Variants in GRB10 observed in about 807,000 individuals in gnomAD.
GRB10 encodes the protein growth factor receptor bound protein 10.
In GRB10, 20 loss-of-function variants were observed where a neutral mutation model predicts 80.9. That is an observed-to-expected ratio of 0.25 (90% CI 0.17 to 0.36). The LOEUF (loss-of-function observed/expected upper bound fraction) is 0.36, where lower values mean the gene tolerates loss of function less well. Ranked by LOEUF, GRB10 falls within the 10% of genes least tolerant of loss-of-function variation. GRB10 has a pLI of 1.00. For synonymous variants in GRB10, 291 were observed against 291.5 expected (o/e 1.00, Z 0.02); for missense variants, 548 against 747.7 (o/e 0.73, Z 3.12).
chr7:50,742,839 G>A (rs1253435712), intron 3 of GRB10, among the ~76,000 whole-genome samples: 1 of 151,978 alleles, frequency 6.6e-6, no homozygotes, highest in African/African-American at 2.4e-5. Flanking sequence ...TCTGCAGGGG[G>A]AAAATATTGG....
intron 5 of GRB10, among the ~76,000 whole-genome samples, chr7:50,701,078 T>C (rs1037213841): frequency 3.9e-5 from 6 of 152,210 alleles, no homozygotes; most frequent in African/African-American, 1.4e-4. Context: ...TTCTACTTGA[T>C]GTTGTTTGAT....
At chr7:50,746,114 T>A (rs893676657) in intron 3 of GRB10, among the ~76,000 whole-genome samples, 3 of 152,194 alleles carry the variant, frequency 2.0e-5, no homozygotes, top group Non-Finnish European at 4.4e-5. Flanking sequence ...TTCTTCATAA[T>A]CTGTACAGAT....
In GRB10 at chr7:50,773,515, G is replaced by A. The variant is rs867640061; in HGVS notation, c.-217+7112C>T. ...GGGGAGGGGAGGGGAGGGGAGAGGA[G>A]AGGAGAGGAGAGGACAGGAAACGAA... On this transcript the variant is annotated intron_variant, in intron 2 of 18. Coordinates refer to ENST00000401949, the MANE Select transcript of GRB10 (RefSeq NM_001350814.2). Among the ~76,000 whole-genome samples the A allele has an allele frequency of 6.0e-3, 887 of 147,826 alleles. 12 individuals carry two copies. Among genetic ancestry groups the A allele is most frequent in the African/African-American group, 0.021 (818 of 39,564 alleles).
At position 50,593,054 on chromosome 7, in the gene GRB10, G is replaced by A; in HGVS notation, c.1683C>T (p.Asn561=). Residue 561 remains asparagine, a synonymous_variant, in exon 19 of 19, where the codon AAC becomes AAT. Transcript: ENST00000401949. ...GQTFFSLDDG[N]TKFSDLIQLV... is the part of the protein sequence containing the mutation. ...GCTGGATCAGGTCAGAGAATTTGGT[G>A]TTCCCGTCATCTAGGCTGAAGAACG... 1 of 1,614,214 alleles carries A rather than the reference G, an allele frequency of 6.2e-7. No individual in the cohort carries two copies. Among genetic ancestry groups the A allele is most frequent in the Non-Finnish European group, 8.5e-7 (1 of 1,180,036 alleles).
intron 4 of GRB10, among the ~76,000 whole-genome samples, chr7:50,709,101 C>T (rs2153672780): frequency 6.6e-6 from 1 of 152,342 alleles, no homozygotes. Context: ...TAATGCTGAA[C>T]TTTCCCAAAT....
intron 2 of GRB10, chr7:50,761,793 TG>T (rs1344199611): frequency 6.6e-6 from 1 of 152,194 alleles, no homozygotes; most frequent in East Asian, 1.9e-4. Context: ...ACTGTGGTGG[TG>T]GATCCTTCAT....
At chr7:50,789,593 C>T (rs1015421101) in intron 1 of GRB10, among the ~76,000 whole-genome samples, 3 of 152,144 alleles carry the variant, frequency 2.0e-5, no homozygotes, top group Non-Finnish European at 2.9e-5. Context: ...CCCCAGCGCC[C>T]GTTCTCAGGC....
intron 1 of GRB10, chr7:50,792,976 T>TCGCC (rs1398786758): frequency 7.1e-6 from 1 of 140,652 alleles, no homozygotes; most frequent in Non-Finnish European, 1.6e-5. Context: ...TGCCTCCGCC[T>TCGCC]CCGCCGCGCG....
intron 2 of GRB10, among the ~76,000 whole-genome samples, chr7:50,770,102 C>T (rs993179571): frequency 1.9e-4 from 29 of 152,206 alleles, no homozygotes; most frequent in Non-Finnish European, 3.8e-4. Flanking sequence ...CCAAGAGTCC[C>T]TCAAATGCTG....
At position 50,600,757 on chromosome 7, in the gene GRB10, C is replaced by A. The variant is rs532020385; in HGVS notation, c.1544+3241G>T. Among the ~76,000 whole-genome samples the A allele has an allele frequency of 6.6e-5, 10 of 152,304 alleles. No individual in the cohort carries two copies. The South Asian group carries it at 2.1e-3, about 32-fold the overall frequency. On this transcript the variant is annotated intron_variant, in intron 17 of 18. Coordinates refer to ENST00000401949, the MANE Select transcript of GRB10 (RefSeq NM_001350814.2). ...CAAAAGACAAAGAAGTCCTTCCATA[C>A]ATGAAACGAGGGTCAGCCTCCTTCA...
intron 7 of GRB10, among the ~76,000 whole-genome samples, chr7:50,660,373 A>G (rs2059131841): frequency 6.6e-6 from 1 of 152,164 alleles, no homozygotes; most frequent in South Asian, 2.1e-4. Context: ...ATGTCCATGC[A>G]GGAAGTGGGG....
intron 7 of GRB10, among the ~76,000 whole-genome samples, chr7:50,649,757 G>A (rs570278943): frequency 2.6e-5 from 4 of 152,292 alleles, no homozygotes; most frequent in African/African-American, 9.6e-5. Context: ...TGGAGAGGGA[G>A]AGTTGACTGG....
chr7:50,604,432 AC>A (rs1268072888), intron 15 of GRB10, 55 bp from the exon 16 acceptor site: 1 of 1,428,854 alleles, frequency 7.0e-7, no homozygotes, highest in Non-Finnish European at 9.9e-7. Context: ...ACACCAAGTC[AC>A]CCAATATGTC....
chr7:50,767,236 C>G (rs1399491146), intron 2 of GRB10, among the ~76,000 whole-genome samples: 1 of 152,192 alleles, frequency 6.6e-6, no homozygotes, highest in Non-Finnish European at 1.5e-5. Flanking sequence ...AATGCCCGCA[C>G]AGATGCCCAA....
intron 4 of GRB10, among the ~76,000 whole-genome samples, chr7:50,712,701 G>A (rs1278276406): frequency 2.0e-5 from 3 of 152,190 alleles, no homozygotes; most frequent in African/African-American, 4.8e-5. Context: ...TGAATTAAAA[G>A]CAAAAGTAGT....
At chr7:50,672,791 G>A (rs2060500000) in intron 6 of GRB10, among the ~76,000 whole-genome samples, 1 of 152,166 alleles carries the variant, frequency 6.6e-6, no homozygotes, top group Non-Finnish European at 1.5e-5. Flanking sequence ...CACTCCCCAA[G>A]GCTACTGTGA....
intron 4 of GRB10, among the ~76,000 whole-genome samples, chr7:50,714,172 T>C (rs561239743): frequency 3.3e-5 from 5 of 152,286 alleles, no homozygotes; most frequent in African/African-American, 1.2e-4. Context: ...ATTAACATAA[T>C]ATTAATTTGT....
chr7:50,766,307 G>A (rs2076334281), intron 2 of GRB10, among the ~76,000 whole-genome samples: 1 of 152,134 alleles, frequency 6.6e-6, no homozygotes, highest in African/African-American at 2.4e-5. Context: ...TAAACACAAT[G>A]AGGCTATTAA....
chr7:50,614,710 G>GT (rs2050215230), intron 12 of GRB10, 60 bp downstream of exon 12: 1 of 999,224 alleles, frequency 1.0e-6, no homozygotes, highest in Non-Finnish European at 1.6e-6. Flanking sequence ...GGCAAGAGAA[G>GT]AAGTCAGTCT....
Sources: allele counts gnomAD v4.1 joint callset (sites outside exome capture counted in the v4.1 genomes callset), GRCh38; gene constraint gnomAD v4.1.1; transcripts MANE v1.5; gene names NCBI Gene and HGNC (gene_info 2026-07-23, HGNC 2026-07-21).